LRRIQ1: variants seen among roughly 807,000 people sequenced by gnomAD.
LRRIQ1 encodes the protein leucine rich repeats and IQ motif containing 1, also known as leucine-rich repeat- and IQ domain-containing protein 1.
In LRRIQ1, 210 loss-of-function variants were observed where a neutral mutation model predicts 211.9. The ratio of observed to expected loss-of-function variants is 0.99; its 90% CI spans 0.89 to 1.11. LRRIQ1 has a LOEUF of 1.11. Among genes scored for constraint, LRRIQ1 ranks in the 50% most tolerant of loss-of-function variants. LRRIQ1 has a pLI of 0.00. For synonymous variants in LRRIQ1, 699 were observed against 650.1 expected (o/e 1.08, Z -1.14); for missense variants, 2,136 against 1,939.5 (o/e 1.10, Z -1.90).
At chr12:85,174,701 C>CAAAAAAAAAAA (rs71076115) in intron 24 of LRRIQ1, among the ~76,000 whole-genome samples, 2,867 of 21,388 alleles carry the variant, frequency 0.13, 552 homozygotes, top group African/African-American at 0.18. Context: ...GAGTACAGCT[C>CAAAAAAAAAAA]AAAAAAAAAA....
chr12:85,197,266 G>A (rs1394910687), intron 24 of LRRIQ1, among the ~76,000 whole-genome samples: 33 of 151,524 alleles, frequency 2.2e-4, no homozygotes, highest in African/African-American at 7.3e-4. Flanking sequence ...GGAAGTCAGT[G>A]TGGCGATTCC....
intron 24 of LRRIQ1, among the ~76,000 whole-genome samples, chr12:85,188,816 G>T (rs148072566): frequency 6.3e-4 from 96 of 152,196 alleles, no homozygotes; most frequent in African/African-American, 2.3e-3. Flanking sequence ...ATTGGTCAGT[G>T]CCAGTGTCAT....
intron 24 of LRRIQ1, among the ~76,000 whole-genome samples, chr12:85,180,047 T>C (rs532773648): frequency 9.9e-5 from 15 of 152,106 alleles, no homozygotes; most frequent in African/African-American, 3.6e-4. Flanking sequence ...ACACTCTTCC[T>C]GCCAATTGCT....
At chr12:85,060,201 G>A (rs1019358809) in intron 8 of LRRIQ1, among the ~76,000 whole-genome samples, 1 of 151,984 alleles carries the variant, frequency 6.6e-6, no homozygotes. Flanking sequence ...TCTCAAGCAA[G>A]CAAAGAGAAG....
intron 15 of LRRIQ1, among the ~76,000 whole-genome samples, chr12:85,119,338 A>G (rs534147259): frequency 6.6e-6 from 1 of 152,082 alleles, no homozygotes; most frequent in South Asian, 2.1e-4. Context: ...ATGGCTTCCT[A>G]GTTCACTTCA....
chr12:85,058,475 G>A (rs996293003), intron 8 of LRRIQ1, among the ~76,000 whole-genome samples: 3 of 151,972 alleles, frequency 2.0e-5, no homozygotes, highest in African/African-American at 7.2e-5. Flanking sequence ...CTAGGCAAGA[G>A]TGATGGCTTC....
intron 3 of LRRIQ1, among the ~76,000 whole-genome samples, chr12:85,041,302 G>C (rs1252680694): frequency 6.6e-6 from 1 of 151,730 alleles, no homozygotes; most frequent in Non-Finnish European, 1.5e-5. Context: ...GAATACAGCA[G>C]TGAACAAAAC....
At chr12:85,058,907 C>G (rs1210617776) in intron 8 of LRRIQ1, among the ~76,000 whole-genome samples, 1 of 151,922 alleles carries the variant, frequency 6.6e-6, no homozygotes, top group Admixed American at 6.6e-5. Context: ...CTTCTTAAAG[C>G]AACTATCTCA....
intron 24 of LRRIQ1, among the ~76,000 whole-genome samples, chr12:85,198,729 G>T (rs1194653006): frequency 2.0e-5 from 3 of 151,826 alleles, no homozygotes; most frequent in African/African-American, 7.3e-5. Context: ...CTCCATGCTC[G>T]GCTAATTTTT....
chr12:85,229,780 C>A, intron 25 of LRRIQ1, 131 bp downstream of exon 25: 1 of 795,556 alleles, frequency 1.3e-6, no homozygotes, highest in Non-Finnish European at 2.0e-6. Context: ...CCGGGTAATA[C>A]AAAGGCCTTT....
At chr12:85,114,466 A>G (rs1160463002) in intron 15 of LRRIQ1, among the ~76,000 whole-genome samples, 2 of 152,206 alleles carry the variant, frequency 1.3e-5, no homozygotes, top group African/African-American at 4.8e-5. Flanking sequence ...AATGTCTCAA[A>G]TAATCTTTCA....
intron 24 of LRRIQ1, among the ~76,000 whole-genome samples, chr12:85,201,676 C>G (rs1893305202): frequency 6.6e-6 from 1 of 151,802 alleles, no homozygotes; most frequent in Admixed American, 6.6e-5. Flanking sequence ...GATCTTCTCT[C>G]TTTACTAAAA....
intron 11 of LRRIQ1, among the ~76,000 whole-genome samples, chr12:85,097,716 T>A (rs1387408124): frequency 6.6e-6 from 1 of 152,154 alleles, no homozygotes; most frequent in African/African-American, 2.4e-5. Flanking sequence ...CTTTACACAC[T>A]TCCTCAGCAT....
At chr12:85,221,050 G>C (rs139652286) in intron 24 of LRRIQ1, among the ~76,000 whole-genome samples, 1 of 152,008 alleles carries the variant, frequency 6.6e-6, no homozygotes, top group Non-Finnish European at 1.5e-5. Context: ...GACCTCAGGT[G>C]ATCTGCCCCC....
chr12:85,265,383 C>A (rs1329716985), downstream of LRRIQ1, among the ~76,000 whole-genome samples: 1 of 151,808 alleles, frequency 6.6e-6, no homozygotes, highest in Admixed American at 6.6e-5. Flanking sequence ...GGGAAGAAGA[C>A]CCCTAAGGGG....
chr12:85,165,276 GC>G (rs1015009479), intron 24 of LRRIQ1, among the ~76,000 whole-genome samples: 4 of 151,782 alleles, frequency 2.6e-5, no homozygotes, highest in Admixed American at 6.6e-5. Context: ...CCGTTTTTCA[GC>G]CCCTGGTTTC....
At chr12:85,083,496 G>C (rs1884504739) in intron 11 of LRRIQ1, among the ~76,000 whole-genome samples, 1 of 150,038 alleles carries the variant, frequency 6.7e-6, no homozygotes, top group Non-Finnish European at 1.5e-5. Flanking sequence ...CTGGAGTGCA[G>C]TGGCCTGATC....
At chr12:85,061,553 A>G (rs1881806014) in intron 8 of LRRIQ1, among the ~76,000 whole-genome samples, 1 of 151,764 alleles carries the variant, frequency 6.6e-6, no homozygotes, top group Non-Finnish European at 1.5e-5. Context: ...ACTAGAACTT[A>G]ATTGTGCTTG....
chr12:85,247,675 T>C (rs1465086532), downstream of LRRIQ1, among the ~76,000 whole-genome samples: 1 of 151,588 alleles, frequency 6.6e-6, no homozygotes, highest in Non-Finnish European at 1.5e-5. Flanking sequence ...TTGGGTATTA[T>C]AGGGTCCTAA....
Sources: allele counts gnomAD v4.1 joint callset (sites outside exome capture counted in the v4.1 genomes callset), GRCh38; gene constraint gnomAD v4.1.1; transcripts MANE v1.5; gene names NCBI Gene and HGNC (gene_info 2026-07-23, HGNC 2026-07-21).